The following BCAS3 variants were observed in gnomAD, a reference collection of about 807,000 sequenced individuals.
BCAS3 encodes the protein BCAS3 microtubule associated cell migration factor.
A neutral mutation model predicts 116.1 loss-of-function variants in BCAS3; 53 were observed. That is an observed-to-expected ratio of 0.46 (90% confidence interval 0.37 to 0.57). The LOEUF (loss-of-function observed/expected upper bound fraction) is 0.57, where lower values mean the gene tolerates loss of function less well. Among genes scored for constraint, BCAS3 ranks in the 20% least tolerant of loss-of-function variants. BCAS3 has a pLI of 0.00. For synonymous variants in BCAS3, 391 were observed against 408.2 expected, an observed-to-expected ratio of 0.96 and a Z score of 0.51; for missense variants, 917 against 1,165.4, an observed-to-expected ratio of 0.79 and a Z score of 3.10.
Position 61,126,378 on chromosome 17 carries a change from TA to T in BCAS3, c.2425+41815del, listed in dbSNP as rs1186050188. Among the ~76,000 whole-genome samples the T allele has an allele frequency of 2.6e-5, 4 of 152,192 alleles. No individual in the cohort carries two copies. The highest frequency in any genetic ancestry group is 5.9e-5 in the Non-Finnish European group (4 of 68,006). On this transcript the variant is annotated intron_variant, in intron 22 of 23. Coordinates refer to ENST00000407086, the MANE Select transcript of BCAS3 (RefSeq NM_017679.5). This position sits in a 1 kb window ranked among gnomAD's most constrained non-coding sequence, Gnocchi z 4.6. ...GACATTAGAAAAAAAGAGCAGTGTA[TA>T]TGTGTCATGTTATCGCACGTGAACC...
intron 23 of BCAS3, among the ~76,000 whole-genome samples, chr17:61,384,922 G>C (rs774226719): frequency 6.6e-6 from 1 of 152,284 alleles, no homozygotes; most frequent in Middle Eastern, 3.4e-3. Context: ...TGGGGAAGAG[G>C]GAAAGCGCAG....
chr17:60,853,499 G>A (rs1437635971), intron 7 of BCAS3, among the ~76,000 whole-genome samples: 2 of 152,140 alleles, frequency 1.3e-5, no homozygotes, highest in African/African-American at 4.8e-5. Context: ...TTTATTGACT[G>A]CCATTCAAAA....
chr17:61,226,547 G>GACT lies in BCAS3; in HGVS notation c.2426-141779_2426-141777dup, dbSNP rs2082380888. 1.3e-5 allele frequency among the ~76,000 whole-genome samples: 2 copies of GACT among 152,244 alleles called. No individual in the cohort carries two copies. The highest frequency in any genetic ancestry group is 4.1e-4 in the South Asian group (2 of 4,824). On this transcript the variant is annotated intron_variant, in intron 22 of 23. Coordinates refer to ENST00000407086, the MANE Select transcript of BCAS3 (RefSeq NM_017679.5). This position sits in a 1 kb window ranked among gnomAD's most constrained non-coding sequence, Gnocchi z 6.0. ...AGTTCTTATTGGAATTGTGTTGAAC[G>GACT]ACTCACTGCTATGAGCACCCAGTAT...
rs2058579352 is a variant in BCAS3, at chr17:61,363,693, T to C, written c.2426-4634T>C. ...GAGGGCTTTGTAAATAGCAGAGCAC[T>C]GCTTCAACAAAAGATGTCTGTTGCC... On this transcript the variant is annotated intron_variant, in intron 22 of 23. Transcript: ENST00000407086. The surrounding 1 kb of genome is among the most constrained non-coding windows in gnomAD (Gnocchi z 4.9). Among the ~76,000 whole-genome samples the C allele has an allele frequency of 6.6e-6, 1 of 152,216 alleles. No individual in the cohort carries two copies. Among genetic ancestry groups the C allele is most frequent in the Non-Finnish European group, 1.5e-5 (1 of 68,040 alleles).
rs559531612 is a variant in BCAS3 at position 61,109,918 on chromosome 17, T to C, written c.2425+25354T>C. ...ATGTTAACTTGGCTAATTATTTCTTTTGCTGTGCAGAAGCTTTTTAGTTTA... is the reference window on the plus strand; with the variant it reads ...ATGTTAACTTGGCTAATTATTTCTTCTGCTGTGCAGAAGCTTTTTAGTTTA... On this transcript the variant is annotated intron_variant, in intron 22 of 23. Coordinates refer to ENST00000407086, the MANE Select transcript of BCAS3 (RefSeq NM_017679.5). Among the ~76,000 whole-genome samples, 11 of 152,390 alleles carry C rather than the reference T, an allele frequency of 7.2e-5. No homozygotes were observed. In the East Asian group the frequency reaches 1.9e-3, roughly 27 times the overall value.
At chr17:61,289,937 C>T (rs755463537) in intron 22 of BCAS3, among the ~76,000 whole-genome samples, 23 of 152,146 alleles carry the variant, frequency 1.5e-4, no homozygotes, top group Non-Finnish European at 2.9e-4. Flanking sequence ...CGTGTCCTTG[C>T]CTCCAGGTTT....
At chr17:61,260,625 C>G (rs1227430735) in intron 22 of BCAS3, among the ~76,000 whole-genome samples, 1 of 152,154 alleles carries the variant, frequency 6.6e-6, no homozygotes, top group African/African-American at 2.4e-5. Flanking sequence ...AAATTAGATG[C>G]TGGCTGGACG....
chr17:61,293,298 G>A (rs1451162811), intron 22 of BCAS3, among the ~76,000 whole-genome samples: 1 of 152,094 alleles, frequency 6.6e-6, no homozygotes, highest in Non-Finnish European at 1.5e-5. Context: ...GTGCAGGTTG[G>A]AAATCTCACT....
At chr17:60,690,764 T>C (rs1265841513) in intron 4 of BCAS3, among the ~76,000 whole-genome samples, 2 of 151,032 alleles carry the variant, frequency 1.3e-5, no homozygotes, top group Non-Finnish European at 3.0e-5. Context: ...CTACTAAAAA[T>C]ACAAAATTAG....
At chr17:60,772,965 T>A (rs915974974) in intron 6 of BCAS3, among the ~76,000 whole-genome samples, 1 of 152,220 alleles carries the variant, frequency 6.6e-6, no homozygotes, top group Non-Finnish European at 1.5e-5. Flanking sequence ...TTCAACTTAT[T>A]TGGGTAAATA....
chr17:60,799,708 C>CTT (rs67510415), intron 6 of BCAS3, among the ~76,000 whole-genome samples: 4,303 of 49,938 alleles, frequency 0.086, 427 homozygotes, highest in African/African-American at 0.11. Flanking sequence ...TTTTTCTTTT[C>CTT]TTTTTTTTTT....
intron 19 of BCAS3, among the ~76,000 whole-genome samples, chr17:61,066,258 A>G (rs2070599819): frequency 6.6e-6 from 1 of 152,250 alleles, no homozygotes; most frequent in African/African-American, 2.4e-5. Flanking sequence ...TGGAAATTCA[A>G]GAAATGTAGG....
At chr17:60,750,544 A>G (rs2042375865) in intron 6 of BCAS3, among the ~76,000 whole-genome samples, 1 of 152,236 alleles carries the variant, frequency 6.6e-6, no homozygotes, top group Non-Finnish European at 1.5e-5. Context: ...ATTCATCGAT[A>G]ACATGATTGT....
intron 5 of BCAS3, chr17:60,720,125 A>T (rs962085966): frequency 5.9e-5 from 9 of 151,820 alleles, no homozygotes; most frequent in African/African-American, 1.9e-4. Context: ...TTTAAATGGC[A>T]ACTTAGTTTT....
chr17:60,954,474 T>G (rs2061016315), intron 14 of BCAS3, among the ~76,000 whole-genome samples: 1 of 152,232 alleles, frequency 6.6e-6, no homozygotes, highest in Admixed American at 6.5e-5. Flanking sequence ...TGGTATTAAT[T>G]CACACTGTTG....
chr17:60,862,728 T>C, intron 7 of BCAS3, among the ~76,000 whole-genome samples: 1 of 152,204 alleles, frequency 6.6e-6, no homozygotes, highest in Admixed American at 6.5e-5. Context: ...CAGAACTCAC[T>C]GCATCCTCAA....
chr17:61,080,837 G>A (rs2072530936), intron 21 of BCAS3, among the ~76,000 whole-genome samples: 1 of 152,156 alleles, frequency 6.6e-6, no homozygotes, highest in South Asian at 2.1e-4. Flanking sequence ...ACCTTGTTTA[G>A]TATTTTTTGT....
chr17:60,710,621 TG>T (rs1330893799), intron 5 of BCAS3, among the ~76,000 whole-genome samples: 3 of 151,778 alleles, frequency 2.0e-5, no homozygotes, highest in African/African-American at 4.8e-5. Flanking sequence ...TTAGTACAGA[TG>T]GGGTTTCACC....
chr17:60,942,252 C>A (rs996078952), intron 13 of BCAS3, among the ~76,000 whole-genome samples: 2 of 152,084 alleles, frequency 1.3e-5, no homozygotes, highest in Non-Finnish European at 2.9e-5. Context: ...ATGGTTGAAA[C>A]CCCCTCTCTA....
Sources: allele counts gnomAD v4.1 joint callset (sites outside exome capture counted in the v4.1 genomes callset), GRCh38; gene constraint gnomAD v4.1.1; non-coding constraint Gnocchi (gnomAD v3.1); transcripts MANE v1.5; gene names NCBI Gene and HGNC (gene_info 2026-07-23, HGNC 2026-07-21).